Variants in CDH11 observed in about 807,000 individuals in gnomAD.
The protein encoded by CDH11 is cadherin 11.
A neutral mutation model predicts 67.8 loss-of-function variants in CDH11; 11 were observed. The ratio of observed to expected loss-of-function variants is 0.16; its 90% CI spans 0.10 to 0.27. CDH11 has a LOEUF of 0.27. CDH11 is among the 10% of genes least tolerant of loss of function. CDH11 has a pLI of 1.00. For synonymous variants in CDH11, 419 were observed against 400.0 expected (o/e 1.05, Z -0.57); for missense variants, 847 against 1,031.2 (o/e 0.82, Z 2.45).
chr16:65,107,002 C>T (rs1308268413), intron 1 of CDH11, among the ~76,000 whole-genome samples: 1 of 151,854 alleles, frequency 6.6e-6, no homozygotes, highest in African/African-American at 2.4e-5. Context: ...TCATTTGCAG[C>T]TGTCTACCAT....
chr16:64,972,781 A>T, intron 9 of CDH11, 123 bp downstream of exon 9: 1 of 894,820 alleles, frequency 1.1e-6, no homozygotes, highest in Non-Finnish European at 1.7e-6. Flanking sequence ...CATTTTAAAG[A>T]CTGAAAAATC....
At chr16:65,094,636 C>T (rs1468991965) in intron 1 of CDH11, 1 of 152,122 alleles carries the variant, frequency 6.6e-6, no homozygotes, top group Non-Finnish European at 1.5e-5. Flanking sequence ...CCTTTGTACC[C>T]CTCTCTGTGC....
chr16:65,049,144 G>A (rs910615013), intron 2 of CDH11, among the ~76,000 whole-genome samples: 1 of 152,070 alleles, frequency 6.6e-6, no homozygotes, highest in African/African-American at 2.4e-5. Flanking sequence ...TCACCATTAT[G>A]CAAAATACAC....
In CDH11 at chr16:64,945,299, G is replaced by GGAAAAAAAAAAAAAAAAA. The variant is rs2071174918; in HGVS notation, c.*2303_*2304insTTTTTTTTTTTTTTTTTC. 1 of 382,782 alleles carries GGAAAAAAAAAAAAAAAAA rather than the reference G, an allele frequency of 2.6e-6. No individual in the cohort carries two copies. The highest frequency in any genetic ancestry group is 3.0e-6 in the Non-Finnish European group (1 of 329,122). 23.7% of individuals were successfully genotyped at this position (382,782 alleles called of 1,614,324 possible). On this transcript the variant is annotated 3_prime_UTR_variant, in exon 13 of 13. Coordinates refer to ENST00000268603, the MANE Select transcript of CDH11 (RefSeq NM_001797.4). ...ATAGAGGCTTAACGAAAAAATAAAA[G>GGAAAAAAAAAAAAAAAAA]GTAAAAAAAAAAAAAAAAAAGAAAA...
rs889948005 is a variant in CDH11 at position 65,005,012 on chromosome 16, G to A, written c.-143C>T. 4.1e-5 allele frequency: 57 copies of A among 1,387,276 alleles called. No individual in the cohort carries two copies. The highest frequency in any genetic ancestry group is 3.1e-4 in the African/African-American group (21 of 67,556). The allele number at this position is 1,387,276 out of a possible 1,614,324, so 85.9% of individuals were successfully genotyped here. A position where few individuals can be genotyped will look rare whatever the true frequency, so the allele number is the denominator to read the frequency against. ...TGTCTCTGCTGGTTGAGCTCATCACGTCAGGGCTGCCCACGTCCCCAGTTA... is the reference window on the plus strand; with the variant it reads ...TGTCTCTGCTGGTTGAGCTCATCACATCAGGGCTGCCCACGTCCCCAGTTA... On this transcript the variant is annotated 5_prime_UTR_variant, in exon 3 of 13. The change creates a new upstream start codon in the 5' untranslated region. Transcript: ENST00000268603.
At chr16:65,053,046 C>G (rs1597138116) in intron 2 of CDH11, among the ~76,000 whole-genome samples, 1 of 152,118 alleles carries the variant, frequency 6.6e-6, no homozygotes, top group African/African-American at 2.4e-5. Flanking sequence ...CACTGGACAT[C>G]TACATGGAGA....
chr16:64,971,492 T>C (rs3785315), intron 11 of CDH11, 87 bp downstream of exon 11: 115,287 of 737,240 alleles, frequency 0.16, 12,019 homozygotes, highest in East Asian at 0.42. Context: ...ATTATAAAGA[T>C]TAGTGAAAAT....
intron 8 of CDH11, among the ~76,000 whole-genome samples, chr16:64,976,661 C>T (rs991402311): frequency 1.3e-5 from 2 of 152,146 alleles, no homozygotes; most frequent in Non-Finnish European, 2.9e-5. Context: ...TCAAGATTAG[C>T]CTGGTTAACA....
Position 65,058,954 on chromosome 16 carries a change from T to C in CDH11, c.-297-5026A>G, listed in dbSNP as rs116914907. Among the ~76,000 whole-genome samples the C allele has an allele frequency of 9.4e-3, 1,426 of 152,294 alleles. 11 individuals are homozygous for C. Among genetic ancestry groups the C allele is most frequent in the Non-Finnish European group, 0.015 (1,014 of 68,038 alleles). ...TTCTATGATTGTGCATGATTAAACA[T>C]TTTACCTTTTATTGTATATTTGCTA... On this transcript the variant is annotated intron_variant, in intron 1 of 12. Transcript: ENST00000268603.
intron 2 of CDH11, among the ~76,000 whole-genome samples, chr16:65,044,007 A>G (rs1420147667): frequency 2.0e-5 from 3 of 152,154 alleles, no homozygotes; most frequent in African/African-American, 7.2e-5. Context: ...TGCACAAGGA[A>G]GGTCTCTGCA....
intron 2 of CDH11, among the ~76,000 whole-genome samples, chr16:65,042,173 C>T (rs1446405562): frequency 5.3e-5 from 8 of 152,144 alleles, no homozygotes; most frequent in South Asian, 2.1e-4. Context: ...ACATCCAGGA[C>T]GTAGGGGTGG....
intron 7 of CDH11, among the ~76,000 whole-genome samples, chr16:64,983,689 G>A (rs1191897763): frequency 6.6e-6 from 1 of 151,956 alleles, no homozygotes; most frequent in Non-Finnish European, 1.5e-5. Flanking sequence ...ATCTAAATCT[G>A]CCCCCAGCCT....
chr16:64,955,556 T>G (rs940074757), intron 11 of CDH11, among the ~76,000 whole-genome samples: 3 of 152,060 alleles, frequency 2.0e-5, no homozygotes, highest in African/African-American at 4.8e-5. Context: ...CTGGGCAACA[T>G]AGCGAGACCT....
At chr16:65,107,008 A>G (rs1337744197) in intron 1 of CDH11, among the ~76,000 whole-genome samples, 1 of 152,016 alleles carries the variant, frequency 6.6e-6, no homozygotes. Flanking sequence ...GCAGCTGTCT[A>G]CCATGTGATC....
At chr16:65,037,119 C>A (rs967357840) in intron 2 of CDH11, among the ~76,000 whole-genome samples, 1 of 152,132 alleles carries the variant, frequency 6.6e-6, no homozygotes, top group Admixed American at 6.5e-5. Flanking sequence ...CCCGATAGCT[C>A]AGGCAGAGGA....
At chr16:65,086,839 C>T (rs1293359765) in intron 1 of CDH11, among the ~76,000 whole-genome samples, 1 of 152,154 alleles carries the variant, frequency 6.6e-6, no homozygotes, top group Non-Finnish European at 1.5e-5. Context: ...GGTCCTACAG[C>T]CCTCACTCTG....
intron 1 of CDH11, among the ~76,000 whole-genome samples, chr16:65,058,115 G>A (rs921860390): frequency 1.3e-5 from 2 of 152,094 alleles, no homozygotes; most frequent in Non-Finnish European, 2.9e-5. Context: ...CCCAGCTACT[G>A]AGAAGCTGAG....
intron 11 of CDH11, among the ~76,000 whole-genome samples, chr16:64,959,892 A>T (rs2142394279): frequency 6.6e-6 from 1 of 152,358 alleles, no homozygotes; most frequent in Non-Finnish European, 1.5e-5. Flanking sequence ...CAATTGATTT[A>T]ATCTGAGTGA....
intron 2 of CDH11, among the ~76,000 whole-genome samples, chr16:65,018,742 T>A (rs1038562205): frequency 2.6e-4 from 39 of 152,204 alleles, no homozygotes; most frequent in African/African-American, 9.4e-4. Flanking sequence ...AACACAGTTT[T>A]CCAAGAGTGC....
Sources: gnomAD v4.1 joint callset for allele counts (sites outside exome capture counted in the v4.1 genomes callset) on GRCh38, gnomAD v4.1.1 for gene constraint, MANE v1.5 for transcripts, NCBI Gene and HGNC (gene_info 2026-07-23, HGNC 2026-07-21) for gene names.